MAML2: variants seen among roughly 807,000 people sequenced by gnomAD.
MAML2 encodes the protein mastermind-like protein 2.
MAML2 carries 22 observed loss-of-function variants against 96.1 expected under a neutral mutation model. That is an observed-to-expected ratio of 0.23 (90% CI 0.16 to 0.33). MAML2 has a LOEUF of 0.33. Among genes scored for constraint, MAML2 ranks in the 10% least tolerant of loss-of-function variants. MAML2 has a pLI of 1.00. For synonymous variants in MAML2, 561 were observed against 521.3 expected, an observed-to-expected ratio of 1.08 and a Z score of -1.04; for missense variants, 1,367 against 1,392.4, an observed-to-expected ratio of 0.98 and a Z score of 0.29.
chr11:96,201,828 A>G (rs1274628932), intron 1 of MAML2, among the ~76,000 whole-genome samples: 2 of 151,732 alleles, frequency 1.3e-5, no homozygotes, highest in African/African-American at 4.8e-5. Context: ...CTGAGGCAGG[A>G]GAGTGGCGTG....
At chr11:96,252,325 A>G (rs529348070) in intron 1 of MAML2, among the ~76,000 whole-genome samples, 1 of 151,974 alleles carries the variant, frequency 6.6e-6, no homozygotes, top group South Asian at 2.1e-4. Flanking sequence ...TGTGTCAAGT[A>G]TTTCACATGC....
At chr11:96,056,197 C>T (rs181564638) in intron 2 of MAML2, among the ~76,000 whole-genome samples, 3 of 152,132 alleles carry the variant, frequency 2.0e-5, no homozygotes, top group African/African-American at 7.2e-5. Context: ...ATCCCTGCCC[C>T]CACAGGGCAG....
chr11:96,204,091 G>C (rs1239036873), intron 1 of MAML2, among the ~76,000 whole-genome samples: 1 of 152,100 alleles, frequency 6.6e-6, no homozygotes, highest in Non-Finnish European at 1.5e-5. Context: ...GGAGGGAGAG[G>C]TTTCTGGAAC....
intron 1 of MAML2, among the ~76,000 whole-genome samples, chr11:96,339,429 T>A (rs756131291): frequency 6.6e-6 from 1 of 152,158 alleles, no homozygotes; most frequent in African/African-American, 2.4e-5. Context: ...TACTGCCAAG[T>A]TGGACAAAAG....
At chr11:96,206,956 C>G (rs1176257011) in intron 1 of MAML2, among the ~76,000 whole-genome samples, 1 of 152,016 alleles carries the variant, frequency 6.6e-6, no homozygotes, top group Non-Finnish European at 1.5e-5. Flanking sequence ...TGAAGTGTTA[C>G]CAGCATAAAA....
At chr11:96,062,383 G>A (rs1859175343) in intron 2 of MAML2, among the ~76,000 whole-genome samples, 1 of 152,198 alleles carries the variant, frequency 6.6e-6, no homozygotes, top group African/African-American at 2.4e-5. Flanking sequence ...GTTCACAGCT[G>A]GAGGGGGTGT....
intron 2 of MAML2, among the ~76,000 whole-genome samples, chr11:96,052,450 G>A (rs1284169210): frequency 6.6e-6 from 1 of 152,170 alleles, no homozygotes; most frequent in Non-Finnish European, 1.5e-5. Context: ...AAATAAGTAA[G>A]AGAGTCAGGA....
chr11:96,191,786 A>AAG (rs1555022162), intron 1 of MAML2, among the ~76,000 whole-genome samples: 3 of 151,112 alleles, frequency 2.0e-5, no homozygotes, highest in Non-Finnish European at 4.4e-5. Context: ...AAAAAAAAAA[A>AAG]CCACAAAAGA....
rs1288494943 is a variant in MAML2 at position 96,341,592 on chromosome 11, T to C, written c.304A>G (p.Thr102Ala). The part of the protein sequence containing the change: ...HTKATATAAT[T>A]TAPPPPPAAP... ...GCAGGGGGCGGTGGAGGGGCTGTAGTGGTGGCAGCAGTGGCGGTGGCCTTG... is the reference window on the plus strand; with the variant it reads ...GCAGGGGGCGGTGGAGGGGCTGTAGCGGTGGCAGCAGTGGCGGTGGCCTTG... Residue 102 changes from threonine (T) to alanine (A), a missense_variant, in exon 1 of 5, where the codon ACT (threonine) becomes GCT (alanine). By Grantham distance (58) the Thr-to-Ala change is moderately conservative. Coordinates refer to ENST00000524717, the MANE Select transcript of MAML2 (RefSeq NM_032427.4). The C allele has an allele frequency of 9.0e-6, 14 of 1,551,462 alleles. No individual in the cohort carries two copies. In the South Asian group the frequency reaches 1.2e-4, roughly 13 times the overall value.
At chr11:96,300,428 G>C (rs1352727829) in intron 1 of MAML2, among the ~76,000 whole-genome samples, 1 of 152,126 alleles carries the variant, frequency 6.6e-6, no homozygotes, top group Non-Finnish European at 1.5e-5. Context: ...AAGGAGGAGG[G>C]AGAGCTTGGG....
chr11:96,030,355 T>C (rs1290057766), intron 2 of MAML2, among the ~76,000 whole-genome samples: 2 of 152,212 alleles, frequency 1.3e-5, no homozygotes, highest in East Asian at 1.9e-4. Flanking sequence ...ATAACAGCCA[T>C]TGTGATTGAA....
At chr11:96,337,110 A>G (rs1863930912) in intron 1 of MAML2, among the ~76,000 whole-genome samples, 1 of 152,206 alleles carries the variant, frequency 6.6e-6, no homozygotes, top group Non-Finnish European at 1.5e-5. Context: ...ACTTGAAATA[A>G]GTGGTAGGAA....
intron 1 of MAML2, among the ~76,000 whole-genome samples, chr11:96,316,960 C>T (rs1447082724): frequency 1.3e-5 from 2 of 152,168 alleles, no homozygotes; most frequent in African/African-American, 4.8e-5. Context: ...CTGTTGGGGC[C>T]AAGCCCCCTC....
chr11:96,267,790 T>C (rs1044647745), intron 1 of MAML2, among the ~76,000 whole-genome samples: 2 of 152,186 alleles, frequency 1.3e-5, no homozygotes, highest in African/African-American at 4.8e-5. Flanking sequence ...GGGCTGTCCC[T>C]CAAGCATGGT....
chr11:96,139,336 G>A (rs979023572), intron 1 of MAML2, among the ~76,000 whole-genome samples: 1 of 152,000 alleles, frequency 6.6e-6, no homozygotes, highest in South Asian at 2.1e-4. Flanking sequence ...AATTAGCCGG[G>A]CGTGGTGGCG....
chr11:96,126,522 A>C (rs1433286876), intron 1 of MAML2, among the ~76,000 whole-genome samples: 1 of 152,176 alleles, frequency 6.6e-6, no homozygotes, highest in Non-Finnish European at 1.5e-5. Flanking sequence ...AGATCACACC[A>C]CTGCACTCCA....
chr11:96,281,426 C>A lies in MAML2; in HGVS notation c.513+59957G>T, dbSNP rs1001865839. On this transcript the variant is annotated intron_variant, in intron 1 of 4. Transcript: ENST00000524717. ...GGCTGGGGAGGTGTGGGGAAGCAAG[C>A]AGGAATGGGGCTGCAAAAGGCTGGC... is the stretch of plus-strand genomic sequence containing the variant. Among the ~76,000 whole-genome samples, 3 of 151,934 alleles carry A rather than the reference C, an allele frequency of 2.0e-5. No individual in the cohort carries two copies. The South Asian group carries it at 6.2e-4, about 32-fold the overall frequency.
chr11:96,224,982 T>C (rs7950516), intron 1 of MAML2, among the ~76,000 whole-genome samples: 7,384 of 152,278 alleles, frequency 0.048, 610 homozygotes, highest in African/African-American at 0.17. Context: ...TATTGACAAA[T>C]TGAACATTGT....
At chr11:96,007,149 C>T (rs923635503) in intron 2 of MAML2, among the ~76,000 whole-genome samples, 27 of 150,952 alleles carry the variant, frequency 1.8e-4, no homozygotes, top group African/African-American at 5.8e-4. Context: ...AATACAGGAG[C>T]GTACCACCAT....
Sources: gnomAD v4.1 joint callset for allele counts (sites outside exome capture counted in the v4.1 genomes callset) on GRCh38, gnomAD v4.1.1 for gene constraint, MANE v1.5 for transcripts, NCBI Gene and HGNC (gene_info 2026-07-23, HGNC 2026-07-21) for gene names.